ZCCHC14: variants seen among roughly 807,000 people sequenced by gnomAD.
ZCCHC14 encodes the protein zinc finger CCHC domain-containing protein 14.
A neutral mutation model predicts 85.0 loss-of-function variants in ZCCHC14; 16 were observed. That is an observed-to-expected ratio of 0.19 (90% CI 0.13 to 0.29). The LOEUF (loss-of-function observed/expected upper bound fraction) is 0.29, where lower values mean the gene tolerates loss of function less well. Among genes scored for constraint, ZCCHC14 ranks in the 10% least tolerant of loss-of-function variants. ZCCHC14 has a pLI of 1.00. For missense variants in ZCCHC14, 1,303 were observed against 1,443.5 expected, an observed-to-expected ratio of 0.90 and a Z score of 1.58; for synonymous variants, 775 against 630.7, an observed-to-expected ratio of 1.23 and a Z score of -3.43.
At chr16:87,461,199 G>C (rs528654645) in intron 1 of ZCCHC14, among the ~76,000 whole-genome samples, 1 of 152,206 alleles carries the variant, frequency 6.6e-6, no homozygotes, top group Non-Finnish European at 1.5e-5. Flanking sequence ...AGCCAGGCTC[G>C]TCCCACCCCT....
chr16:87,483,587 T>G (rs1912385040), intron 1 of ZCCHC14, among the ~76,000 whole-genome samples: 1 of 152,224 alleles, frequency 6.6e-6, no homozygotes, highest in African/African-American at 2.4e-5. Context: ...AATCGTTTAC[T>G]TGAAACAATA....
chr16:87,418,492 GACTGCAGCTAC>G (rs1250026668), intron 7 of ZCCHC14, among the ~76,000 whole-genome samples: 4 of 152,150 alleles, frequency 2.6e-5, no homozygotes, highest in Non-Finnish European at 4.4e-5. Context: ...GCCGGCATAC[GACTGCAGCTAC>G]CCAGGGCCCG....
At chr16:87,465,375 A>C (rs1350553578) in intron 1 of ZCCHC14, among the ~76,000 whole-genome samples, 2 of 152,378 alleles carry the variant, frequency 1.3e-5, no homozygotes, top group South Asian at 2.1e-4. Flanking sequence ...TTCAAACAAA[A>C]ACTTCTGCAA....
At chr16:87,432,707 A>G (rs1909722606) in intron 3 of ZCCHC14, among the ~76,000 whole-genome samples, 1 of 152,212 alleles carries the variant, frequency 6.6e-6, no homozygotes, top group Admixed American at 6.5e-5. Flanking sequence ...GTGGTACCCA[A>G]CTTCAGTGAC....
At chr16:87,427,329 G>T (rs919870731) in intron 3 of ZCCHC14, among the ~76,000 whole-genome samples, 2 of 152,372 alleles carry the variant, frequency 1.3e-5, no homozygotes, top group Non-Finnish European at 2.9e-5. Flanking sequence ...GAGACTCAGG[G>T]AAGCCTCACT....
Position 87,491,654 on chromosome 16 carries a change from G to T in ZCCHC14, c.570+15C>A. On this transcript the variant is annotated intron_variant, in intron 1 of 12. Transcript: ENST00000671377. The surrounding 1 kb of genome is among the most constrained non-coding windows in gnomAD (Gnocchi z 5.9). The stretch of plus-strand genomic sequence containing the variant: ...AGACTTGGGGTACAGGGCAGAGCTC[G>T]GGGCGGGCACGCACCTTGTGGCAGG... 1 of 1,394,346 alleles carries T rather than the reference G, an allele frequency of 7.2e-7. No individual in the cohort carries two copies. Among genetic ancestry groups the T allele is most frequent in the Admixed American group, 3.6e-5 (1 of 28,096 alleles). 86.4% of individuals were successfully genotyped at this position (1,394,346 alleles called of 1,614,324 possible). A position where few individuals can be genotyped will look rare whatever the true frequency, so the allele number is the denominator to read the frequency against.
At chr16:87,465,033 G>C (rs1911454849) in intron 1 of ZCCHC14, among the ~76,000 whole-genome samples, 1 of 152,170 alleles carries the variant, frequency 6.6e-6, no homozygotes, top group Non-Finnish European at 1.5e-5. Context: ...CCTGGCCCCT[G>C]CAACCTGGCA....
At position 87,412,314 on chromosome 16, in the gene ZCCHC14, G is replaced by A; in HGVS notation, c.2407C>T (p.Pro803Ser). Residue 803 changes from proline (P) to serine (S), a missense_variant, in exon 12 of 13, where the codon CCC becomes TCC. Physicochemically the swap from Pro to Ser is moderately conservative, Grantham distance 74. Around this residue, in one of 7 missense-constraint regions of ZCCHC14, gnomAD observed 797 missense variants for 730.8 expected, o/e 1.09. Coordinates refer to ENST00000671377, the MANE Select transcript of ZCCHC14 (RefSeq NM_015144.3). ...SCPNNVQISV[P>S]PAIINPRTAL... ...GTCCGGGGGTTTATTATTGCAGGGG[G>A]CACACTTATTTGCACATTATTAGGA... The A allele has an allele frequency of 1.2e-6, 2 of 1,613,992 alleles. No homozygotes were observed. Among genetic ancestry groups the A allele is most frequent in the Non-Finnish European group, 1.7e-6 (2 of 1,180,040 alleles).
intron 8 of ZCCHC14, among the ~76,000 whole-genome samples, chr16:87,416,288 A>G (rs952833196): frequency 6.6e-6 from 1 of 152,156 alleles, no homozygotes; most frequent in Non-Finnish European, 1.5e-5. Context: ...ATCCACGCTG[A>G]ATGGTTGTGT....
At chr16:87,417,781 G>A (rs770513907) in intron 7 of ZCCHC14, 39 bp from the exon 8 acceptor site, 2 of 1,525,744 alleles carry the variant, frequency 1.3e-6, no homozygotes, top group Non-Finnish European at 1.8e-6. Flanking sequence ...AGAGACTGTG[G>A]CTTCCACAAC....
Position 87,493,011 on chromosome 16 carries a change from G to A in ZCCHC14, c.-773C>T, listed in dbSNP as rs1912855672. ...CGCGCTCGCGGCTGACGGGCGGCCG[G>A]GATCAGCAGAAGTGGGCGGGGTGGC... On this transcript the variant is annotated 5_prime_UTR_variant, in exon 1 of 13. Coordinates refer to ENST00000671377, the MANE Select transcript of ZCCHC14 (RefSeq NM_015144.3). 6.6e-6 allele frequency among the ~76,000 whole-genome samples: 1 copy of A among 151,956 alleles called. No individual in the cohort carries two copies. The highest frequency in any genetic ancestry group is 1.5e-5 in the Non-Finnish European group (1 of 67,946).
At chr16:87,416,802 C>T (rs1908809383) in intron 8 of ZCCHC14, among the ~76,000 whole-genome samples, 1 of 152,042 alleles carries the variant, frequency 6.6e-6, no homozygotes, top group South Asian at 2.1e-4. Flanking sequence ...AAGGGTATTA[C>T]AAATATACTT....
intron 2 of ZCCHC14, among the ~76,000 whole-genome samples, chr16:87,458,990 C>A (rs1042522961): frequency 6.6e-6 from 1 of 152,150 alleles, no homozygotes. Flanking sequence ...TCTAGTCCTA[C>A]AAACCACCTT....
chr16:87,458,498 G>A (rs1218097830), intron 2 of ZCCHC14, among the ~76,000 whole-genome samples: 1 of 152,184 alleles, frequency 6.6e-6, no homozygotes, highest in Non-Finnish European at 1.5e-5. Flanking sequence ...CCCTCGCAGG[G>A]CTGCAGTAAG....
chr16:87,478,200 CACG>C (rs1228618204), intron 1 of ZCCHC14, among the ~76,000 whole-genome samples: 1 of 152,210 alleles, frequency 6.6e-6, no homozygotes. Flanking sequence ...TGACACACTG[CACG>C]ACGTGTGGCA....
chr16:87,469,026 G>A (rs139529679), intron 1 of ZCCHC14, among the ~76,000 whole-genome samples: 310 of 152,310 alleles, frequency 2.0e-3, no homozygotes, highest in Admixed American at 3.8e-3. Context: ...GAATGCCTAC[G>A]ATGTCAAGAC....
intron 1 of ZCCHC14, among the ~76,000 whole-genome samples, chr16:87,462,167 G>A (rs1911294772): frequency 1.4e-5 from 2 of 148,128 alleles, no homozygotes; most frequent in Admixed American, 1.3e-4. Context: ...CCTCCAGAAA[G>A]TCAATTCTTT....
At chr16:87,487,569 T>C (rs1417249495) in intron 1 of ZCCHC14, among the ~76,000 whole-genome samples, 1 of 152,162 alleles carries the variant, frequency 6.6e-6, no homozygotes, top group Non-Finnish European at 1.5e-5. Context: ...CACCTAGCAA[T>C]CCACCAGGTG....
chr16:87,440,617 T>C (rs1013066934), intron 2 of ZCCHC14, among the ~76,000 whole-genome samples: 5 of 151,974 alleles, frequency 3.3e-5, no homozygotes, highest in African/African-American at 1.2e-4. Context: ...ATACCCTTCA[T>C]TTTCTTTTTG....
Sources: allele counts gnomAD v4.1 joint callset (sites outside exome capture counted in the v4.1 genomes callset), GRCh38; gene constraint gnomAD v4.1.1; regional missense constraint gnomAD v4.1.1; non-coding constraint Gnocchi (gnomAD v3.1); transcripts MANE v1.5; gene names NCBI Gene and HGNC (gene_info 2026-07-23, HGNC 2026-07-21).